The following TCF20 variants were observed in gnomAD, a reference collection of about 807,000 sequenced individuals.
TCF20 encodes the protein transcription factor 20, also known as SPRE-binding protein.
A neutral mutation model predicts 148.6 loss-of-function variants in TCF20; 3 were observed. That is an observed-to-expected ratio of 0.02 (90% CI 0.01 to 0.05). The LOEUF is 0.05. TCF20 is among the 10% of genes least tolerant of loss of function. The pLI is 1.00. For missense variants in TCF20, 2,350 were observed against 2,429.3 expected (o/e 0.97, Z 0.69); for synonymous variants, 1,049 against 909.5 (o/e 1.15, Z -2.76).
intron 2 of TCF20, among the ~76,000 whole-genome samples, chr22:42,208,888 C>T (rs926295217): frequency 6.6e-6 from 1 of 152,172 alleles, no homozygotes; most frequent in Non-Finnish European, 1.5e-5. Flanking sequence ...GCCAACACAA[C>T]CATGAAATGA....
chr22:42,239,294 C>T (rs913084510), intron 1 of TCF20, among the ~76,000 whole-genome samples: 3 of 151,048 alleles, frequency 2.0e-5, no homozygotes, highest in Non-Finnish European at 4.4e-5. Context: ...CTAGCCAATA[C>T]GGAGAAACCC....
chr22:42,190,171 G>T (rs759217785), intron 2 of TCF20, among the ~76,000 whole-genome samples: 1 of 152,160 alleles, frequency 6.6e-6, no homozygotes, highest in Non-Finnish European at 1.5e-5. Flanking sequence ...AAAATAACCT[G>T]AACAGGGCCA....
At chr22:42,176,376 G>A (rs987648305) in intron 3 of TCF20, among the ~76,000 whole-genome samples, 1 of 80,448 alleles carries the variant, frequency 1.2e-5, no homozygotes, top group Non-Finnish European at 2.9e-5. Context: ...GCGCTGGAAG[G>A]AAGGGGGGGG....
At chr22:42,181,134 G>A (rs1231486409) in intron 2 of TCF20, among the ~76,000 whole-genome samples, 1 of 152,230 alleles carries the variant, frequency 6.6e-6, no homozygotes, top group African/African-American at 2.4e-5. Flanking sequence ...ATCAACTTCA[G>A]AGAAGGGAGT....
intron 2 of TCF20, among the ~76,000 whole-genome samples, chr22:42,195,424 T>C (rs991126678): frequency 1.3e-5 from 2 of 151,960 alleles, no homozygotes; most frequent in Non-Finnish European, 2.9e-5. Context: ...AAACACATTT[T>C]AACATCTCCT....
At position 42,317,200 on chromosome 22, in the gene TCF20, A is replaced by G. The variant is rs1301044356; in HGVS notation, c.-37+26279T>C. Among the ~76,000 whole-genome samples the G allele has an allele frequency of 6.6e-6, 1 of 151,842 alleles. No individual in the cohort carries two copies. The highest frequency in any genetic ancestry group is 2.4e-5 in the African/African-American group (1 of 41,324). On this transcript the variant is annotated intron_variant, in intron 1 of 1. Transcript: ENST00000515426. This position sits in a 1 kb window ranked among gnomAD's most constrained non-coding sequence, Gnocchi z 4.2. The stretch of plus-strand genomic sequence containing the variant: ...CGCCCTCACTCGGCACACCCTCAAC[A>G]TTTGCTGAAATGAATAAATTATCTC...
At chr22:42,241,993 G>A (rs927576257) in intron 1 of TCF20, among the ~76,000 whole-genome samples, 13 of 151,956 alleles carry the variant, frequency 8.6e-5, no homozygotes, top group Admixed American at 2.0e-4. Flanking sequence ...AGGAAGTCAG[G>A]AGATCGAGAC....
chr22:42,342,305 G>A (rs902440454), intron 1 of TCF20, among the ~76,000 whole-genome samples: 9 of 152,190 alleles, frequency 5.9e-5, no homozygotes, highest in Non-Finnish European at 1.2e-4. Context: ...AGGGCTGACT[G>A]GATGGACAGG....
upstream of TCF20, among the ~76,000 whole-genome samples, chr22:42,285,844 C>T (rs1369668651): frequency 6.6e-6 from 1 of 152,090 alleles, no homozygotes; most frequent in Non-Finnish European, 1.5e-5. The surrounding 1 kb of genome is among the most constrained non-coding windows in gnomAD (Gnocchi z 4.2). Context: ...CCCCTACTCC[C>T]ACCACTTCCT....
At chr22:42,162,551 C>T (rs887665048) in intron 5 of TCF20, among the ~76,000 whole-genome samples, 2 of 152,162 alleles carry the variant, frequency 1.3e-5, no homozygotes, top group African/African-American at 4.8e-5. Flanking sequence ...GGAAAGGTCT[C>T]AAAGACAAAC....
upstream of TCF20, among the ~76,000 whole-genome samples, chr22:42,273,166 C>G (rs1309444184): frequency 6.6e-6 from 1 of 151,538 alleles, no homozygotes; most frequent in Non-Finnish European, 1.5e-5. Context: ...TCAAGACCAC[C>G]CTGACCAACA....
intron 2 of TCF20, among the ~76,000 whole-genome samples, chr22:42,183,826 T>C (rs911470708): frequency 1.3e-5 from 2 of 151,430 alleles, no homozygotes; most frequent in Admixed American, 6.6e-5. Flanking sequence ...TGGAGTGCAA[T>C]GGCATGATCT....
Position 42,317,704 on chromosome 22 carries a change from G to C in TCF20, c.-37+25775C>G, listed in dbSNP as rs1927658300. ...AGGACAGCGGGAGGGTGGGGGTTCT[G>C]TGGGCCTTTCCCACGGTCCAGCAGT... On this transcript the variant is annotated intron_variant, in intron 1 of 1. Transcript: ENST00000515426. This position sits in a 1 kb window ranked among gnomAD's most constrained non-coding sequence, Gnocchi z 4.2. Among the ~76,000 whole-genome samples the C allele has an allele frequency of 6.6e-6, 1 of 152,218 alleles. No individual in the cohort carries two copies. Among genetic ancestry groups the C allele is most frequent in the African/African-American group, 2.4e-5 (1 of 41,462 alleles).
chr22:42,228,122 C>T (rs1452134776), intron 1 of TCF20, among the ~76,000 whole-genome samples: 1 of 152,132 alleles, frequency 6.6e-6, no homozygotes, highest in African/African-American at 2.4e-5. Context: ...TCTTAAATGG[C>T]TCCTCTGGCT....
rs1921168544 is a variant in TCF20 at position 42,212,927 on chromosome 22, A to C, written c.2379T>G (p.Ser793Arg). ...EGTTRPNVLV[S>R]QTNELASRGL... ...CCCTGCTAGCTAATTCATTGGTTTG[A>C]CTAACCAAGACATTGGGCCTTGTGG... is the stretch of plus-strand genomic sequence containing the variant. Residue 793 changes from serine to arginine, a missense_variant, in exon 2 of 6, where the codon AGT (serine) becomes AGG (arginine). Ser to Arg is a moderately radical substitution (Grantham distance 110, BLOSUM62 -1). Transcript: ENST00000677622. 6.2e-7 allele frequency: 1 copy of C among 1,614,040 alleles called. No homozygotes were observed. The highest frequency in any genetic ancestry group is 1.3e-5 in the African/African-American group (1 of 74,908).
At chr22:42,180,484 A>G (rs1196885416) in intron 2 of TCF20, among the ~76,000 whole-genome samples, 1 of 152,200 alleles carries the variant, frequency 6.6e-6, no homozygotes, top group Non-Finnish European at 1.5e-5. Context: ...CCTATCAGCA[A>G]CAAACACATT....
intron 1 of TCF20, among the ~76,000 whole-genome samples, chr22:42,335,096 T>C (rs1928043327): frequency 6.6e-6 from 1 of 152,050 alleles, no homozygotes; most frequent in Non-Finnish European, 1.5e-5. Context: ...TCCGAGACCA[T>C]TCCTGCTCCC....
At chr22:42,174,576 TA>T (rs890236778) in intron 3 of TCF20, among the ~76,000 whole-genome samples, 1 of 152,030 alleles carries the variant, frequency 6.6e-6, no homozygotes, top group Admixed American at 6.6e-5. Flanking sequence ...CAATCAACCA[TA>T]AAAAAACTTA....
chr22:42,244,268 C>A (rs1027385183), intron 1 of TCF20, among the ~76,000 whole-genome samples: 8 of 152,176 alleles, frequency 5.3e-5, no homozygotes, highest in African/African-American at 1.9e-4. Flanking sequence ...CACGATCCAG[C>A]AACTCCATTC....
Sources: gnomAD v4.1 joint callset for allele counts (sites outside exome capture counted in the v4.1 genomes callset) on GRCh38, gnomAD v4.1.1 for gene constraint, Gnocchi (gnomAD v3.1) non-coding constraint, MANE v1.5 for transcripts, NCBI Gene and HGNC (gene_info 2026-07-23, HGNC 2026-07-21) for gene names.